SMURF2: variants seen among roughly 807,000 people sequenced by gnomAD.
SMURF2 encodes the protein E3 ubiquitin-protein ligase SMURF2.
Under a neutral mutation model 109.6 loss-of-function variants are expected in SMURF2, and 48 were observed. The observed-to-expected ratio is 0.44, with a 90% CI of 0.35 to 0.56. SMURF2 has a LOEUF of 0.56. Ranked by LOEUF, SMURF2 falls within the 20% of genes least tolerant of loss-of-function variation. The pLI is 0.01. For missense variants in SMURF2, 575 were observed against 909.0 expected, an observed-to-expected ratio of 0.63 and a Z score of 4.72; for synonymous variants, 288 against 317.1, an observed-to-expected ratio of 0.91 and a Z score of 0.97.
rs1055613407 is a variant in SMURF2 at position 64,662,242 on chromosome 17, G to A, written c.-362C>T. 6 of 983,240 alleles carry A rather than the reference G, an allele frequency of 6.1e-6. No homozygotes were observed. The highest frequency in any genetic ancestry group is 6.2e-5 in the Admixed American group (1 of 16,092). The allele number at this position is 983,240 out of a possible 1,614,324, so 60.9% of individuals were successfully genotyped here. On this transcript the variant is annotated 5_prime_UTR_variant, in exon 1 of 19. Coordinates refer to ENST00000262435, the MANE Select transcript of SMURF2 (RefSeq NM_022739.4). ...CGGGGCTGGTCGGCTGAAGCGGGCGGTGCTCGGGGGCGCCGGAGCAGAACT... is the reference window on the plus strand; with the variant it reads ...CGGGGCTGGTCGGCTGAAGCGGGCGATGCTCGGGGGCGCCGGAGCAGAACT...
At chr17:64,635,234 C>T (rs539505669) in intron 1 of SMURF2, among the ~76,000 whole-genome samples, 3 of 151,782 alleles carry the variant, frequency 2.0e-5, no homozygotes, top group East Asian at 3.9e-4. Flanking sequence ...GGCTGAGGCA[C>T]GAGAATTGCT....
chr17:64,634,756 T>C (rs1024927322), intron 1 of SMURF2, among the ~76,000 whole-genome samples: 2 of 152,288 alleles, frequency 1.3e-5, no homozygotes, highest in East Asian at 3.9e-4. Context: ...ATTTGTTCAA[T>C]TCAAGCTTAA....
intron 2 of SMURF2, among the ~76,000 whole-genome samples, chr17:64,603,794 A>T (rs1419947472): frequency 2.0e-5 from 3 of 152,160 alleles, no homozygotes; most frequent in Non-Finnish European, 4.4e-5. Context: ...AGTTAAAAAA[A>T]CTTTTCTCAA....
intron 1 of SMURF2, among the ~76,000 whole-genome samples, chr17:64,620,744 CCT>C (rs1363504129): frequency 4.6e-5 from 7 of 152,152 alleles, no homozygotes; most frequent in African/African-American, 1.7e-4. Context: ...TGATGTCTTA[CCT>C]CTGTCTCATT....
In SMURF2 at chr17:64,661,844, T is replaced by C; in HGVS notation, c.37A>G (p.Lys13Glu). ...CCCCCCTCACCTGTCAGGCGCAGCT[T>C]GACGGGCCCGTTCCTCCGGCCTCCG... ...NPGGRRNGPV[K>E]LRLTVLCAKN... The change falls in exon 1 of 19, where the codon AAG (lysine) becomes GAG (glutamate). Residue 13 changes from lysine to glutamate, a missense_variant. Lys to Glu is a moderately conservative substitution (Grantham distance 56, BLOSUM62 1). This residue lies in a region of SMURF2 where 30 missense variants were observed against 34.5 expected (regional missense o/e 0.87). Transcript: ENST00000262435. The C allele has an allele frequency of 8.2e-7, 1 of 1,220,028 alleles. No individual in the cohort carries two copies. Among genetic ancestry groups the C allele is most frequent in the Non-Finnish European group, 1.0e-6 (1 of 980,582 alleles). 75.6% of individuals were successfully genotyped at this position (1,220,028 alleles called of 1,614,324 possible).
chr17:64,612,388 C>A (rs1008068323), intron 1 of SMURF2, among the ~76,000 whole-genome samples: 2 of 152,000 alleles, frequency 1.3e-5, no homozygotes, highest in Admixed American at 1.3e-4. Context: ...TTATTTTAGG[C>A]CAGGTACTGT....
chr17:64,616,279 AAGT>A (rs1365834810), intron 1 of SMURF2, among the ~76,000 whole-genome samples: 2 of 152,174 alleles, frequency 1.3e-5, no homozygotes, highest in Non-Finnish European at 2.9e-5. Context: ...CCTGTGAAAT[AAGT>A]AGTAGTACTA....
At chr17:64,596,455 A>G (rs1288752464) in intron 3 of SMURF2, among the ~76,000 whole-genome samples, 2 of 152,068 alleles carry the variant, frequency 1.3e-5, no homozygotes, top group Non-Finnish European at 2.9e-5. Context: ...CTAGAAGCCT[A>G]TATTCAAACC....
At chr17:64,655,539 G>A (rs760306828) in intron 1 of SMURF2, among the ~76,000 whole-genome samples, 2 of 151,656 alleles carry the variant, frequency 1.3e-5, no homozygotes, top group Non-Finnish European at 2.9e-5. Context: ...GATTACAACC[G>A]TGAGCCACCA....
intron 9 of SMURF2, among the ~76,000 whole-genome samples, 200 bp downstream of exon 9, chr17:64,578,292 G>A (rs1470023881): frequency 6.6e-6 from 1 of 152,070 alleles, no homozygotes; most frequent in African/African-American, 2.4e-5. Flanking sequence ...CTAGGAACTG[G>A]TGAGGGAGGG....
intron 9 of SMURF2, among the ~76,000 whole-genome samples, chr17:64,576,577 T>G (rs1237332647): frequency 6.6e-6 from 1 of 151,926 alleles, no homozygotes; most frequent in East Asian, 1.9e-4. Context: ...GGCAGGAGAA[T>G]CACTTGAACC....
At chr17:64,616,292 A>G (rs1970119548) in intron 1 of SMURF2, among the ~76,000 whole-genome samples, 2 of 152,168 alleles carry the variant, frequency 1.3e-5, no homozygotes, top group Non-Finnish European at 2.9e-5. Flanking sequence ...TAGTAGTACT[A>G]CCGTCATTTT....
rs562249322 is a variant in SMURF2, at chr17:64,644,956, C to T, written c.52+16873G>A. On this transcript the variant is annotated intron_variant, in intron 1 of 18. Coordinates refer to ENST00000262435, the MANE Select transcript of SMURF2 (RefSeq NM_022739.4). Reference sequence around the variant, plus strand: ...CCAGAAGGCAGAGGTTGCAGTGAGCCGAGATCACACCACTGCACTTCAGCC... The same window carrying T: ...CCAGAAGGCAGAGGTTGCAGTGAGCTGAGATCACACCACTGCACTTCAGCC... Among the ~76,000 whole-genome samples, 43 of 150,792 alleles carry T rather than the reference C, an allele frequency of 2.9e-4. No homozygotes were observed. The South Asian group carries it at 7.3e-3, about 26-fold the overall frequency.
intron 1 of SMURF2, among the ~76,000 whole-genome samples, chr17:64,642,641 T>C (rs1555692663): frequency 6.6e-6 from 1 of 152,174 alleles, no homozygotes; most frequent in African/African-American, 2.4e-5. Context: ...TTATCAGCCA[T>C]CCCTTTTTAA....
At chr17:64,636,942 G>C (rs1304393619) in intron 1 of SMURF2, among the ~76,000 whole-genome samples, 1 of 152,030 alleles carries the variant, frequency 6.6e-6, no homozygotes, top group African/African-American at 2.4e-5. Flanking sequence ...AGTCTAGGCT[G>C]GGTGCAGTGG....
chr17:64,632,457 G>A (rs1970364431), intron 1 of SMURF2, among the ~76,000 whole-genome samples: 1 of 152,154 alleles, frequency 6.6e-6, no homozygotes, highest in Non-Finnish European at 1.5e-5. Flanking sequence ...GGAAATGTGT[G>A]TCTATTAAAC....
intron 1 of SMURF2, among the ~76,000 whole-genome samples, chr17:64,630,854 C>T (rs1970329291): frequency 6.6e-6 from 1 of 152,106 alleles, no homozygotes; most frequent in Non-Finnish European, 1.5e-5. Flanking sequence ...TCAACCAGCA[C>T]TCAATTATCT....
chr17:64,624,483 G>A (rs1178074071), intron 1 of SMURF2, among the ~76,000 whole-genome samples: 4 of 137,206 alleles, frequency 2.9e-5, no homozygotes, highest in East Asian at 2.1e-4. Flanking sequence ...ACAGGCGCAC[G>A]CCACCATGCC....
chr17:64,609,607 T>C (rs1172219281), intron 1 of SMURF2, among the ~76,000 whole-genome samples: 1 of 148,586 alleles, frequency 6.7e-6, no homozygotes, highest in Admixed American at 6.6e-5. Context: ...CCTTACACCT[T>C]ATACAAAAAT....
Sources: allele counts gnomAD v4.1 joint callset (sites outside exome capture counted in the v4.1 genomes callset), GRCh38; gene constraint gnomAD v4.1.1; regional missense constraint gnomAD v4.1.1; transcripts MANE v1.5; gene names NCBI Gene and HGNC (gene_info 2026-07-23, HGNC 2026-07-21).